Variants in SLC8A1 observed in about 807,000 individuals in gnomAD.
SLC8A1 encodes solute carrier family 8 member A1.
Under a neutral mutation model 68.3 loss-of-function variants are expected in SLC8A1, and 18 were observed. That is an observed-to-expected ratio of 0.26 (90% CI 0.18 to 0.39). The LOEUF (loss-of-function observed/expected upper bound fraction) is 0.39, where lower values mean the gene tolerates loss of function less well. Ranked by LOEUF, SLC8A1 falls within the 10% of genes least tolerant of loss-of-function variation. The probability of loss-of-function intolerance (pLI) is 1.00; values close to 1 mark genes in which losing one functional copy is unlikely to be tolerated. For synonymous variants in SLC8A1, 475 were observed against 415.5 expected, an observed-to-expected ratio of 1.14 and a Z score of -1.74; for missense variants, 985 against 1,156.7, an observed-to-expected ratio of 0.85 and a Z score of 2.15.
intron 2 of SLC8A1, among the ~76,000 whole-genome samples, chr2:40,314,264 G>T (rs2074141204): frequency 6.6e-6 from 1 of 151,932 alleles, no homozygotes; most frequent in Non-Finnish European, 1.5e-5. Flanking sequence ...GAATTGCCTT[G>T]TATTTTTGTT....
chr2:40,429,421 G>T (rs1344918702), exon 2 of SLC8A1: 7 of 1,613,786 alleles, frequency 4.3e-6, no homozygotes, highest in Admixed American at 1.7e-5. Flanking sequence ...TTCAATTTCA[G>T]TCTTAGAAGA....
chr2:40,372,459 T>C (rs1282822835), intron 2 of SLC8A1, among the ~76,000 whole-genome samples: 2 of 152,160 alleles, frequency 1.3e-5, no homozygotes, highest in Admixed American at 1.3e-4. Flanking sequence ...CTCACTGTCA[T>C]GCTGAGGATT....
intron 2 of SLC8A1, among the ~76,000 whole-genome samples, chr2:40,306,973 T>C (rs886552382): frequency 6.6e-6 from 1 of 152,080 alleles, no homozygotes; most frequent in African/African-American, 2.4e-5. Flanking sequence ...AGTCCATAAG[T>C]TGAAAAAAAT....
chr2:40,227,962 C>A (rs778484619), intron 2 of SLC8A1, among the ~76,000 whole-genome samples: 6 of 152,152 alleles, frequency 3.9e-5, no homozygotes, highest in African/African-American at 1.2e-4. Flanking sequence ...GTTTTACATA[C>A]GTAAAATTCA....
At chr2:40,378,570 C>T (rs1375337718) in intron 2 of SLC8A1, among the ~76,000 whole-genome samples, 1 of 152,056 alleles carries the variant, frequency 6.6e-6, no homozygotes, top group Non-Finnish European at 1.5e-5. Context: ...GGAAAATCAG[C>T]ATTATTTCTT....
chr2:40,378,913 C>T (rs1365345876), intron 2 of SLC8A1, among the ~76,000 whole-genome samples: 1 of 152,054 alleles, frequency 6.6e-6, no homozygotes, highest in Non-Finnish European at 1.5e-5. Context: ...ACTCTATCTC[C>T]TTCTCCTGCC....
intron 1 of SLC8A1, among the ~76,000 whole-genome samples, chr2:40,440,175 A>ATACC (rs1700211515): frequency 1.3e-5 from 2 of 152,050 alleles, no homozygotes; most frequent in African/African-American, 4.8e-5. Context: ...CCAATCTTAT[A>ATACC]TACCTGTGTT....
chr2:40,398,458 C>T (rs1333129396), intron 2 of SLC8A1, among the ~76,000 whole-genome samples: 1 of 152,070 alleles, frequency 6.6e-6, no homozygotes, highest in Non-Finnish European at 1.5e-5. Flanking sequence ...ATTACAATAG[C>T]AATACAATTT....
intron 2 of SLC8A1, among the ~76,000 whole-genome samples, chr2:40,238,725 A>G (rs2060791230): frequency 6.6e-6 from 1 of 152,208 alleles, no homozygotes; most frequent in Non-Finnish European, 1.5e-5. Flanking sequence ...TGTAAAGTTA[A>G]GTATGAGTTT....
chr2:40,184,164 G>A (rs554434980), intron 2 of SLC8A1, among the ~76,000 whole-genome samples: 1 of 152,194 alleles, frequency 6.6e-6, no homozygotes, highest in South Asian at 2.1e-4. Context: ...GAGACAGAGT[G>A]AGACACTGTC....
intron 2 of SLC8A1, among the ~76,000 whole-genome samples, chr2:40,265,733 A>T (rs2065278242): frequency 6.6e-6 from 1 of 152,196 alleles, no homozygotes; most frequent in African/African-American, 2.4e-5. Context: ...TGCTGCTTAG[A>T]TGTTGAAAAA....
In SLC8A1 at chr2:40,174,699, G is replaced by A. The variant is rs769173114; in HGVS notation, c.1930+126C>T. ...AAAATAAGGAACATTAAAAAAATAA[G>A]TCTTACCAAACAGGTATTTTCCTTC... On this transcript the variant is annotated intron_variant, in intron 4 of 7. Coordinates refer to ENST00000406785, the Ensembl canonical transcript of SLC8A1. 6.6e-7 allele frequency: 1 copy of A among 1,512,596 alleles called. No homozygotes were observed. The highest frequency in any genetic ancestry group is 9.1e-7 in the Non-Finnish European group (1 of 1,099,442). 93.7% of individuals were successfully genotyped at this position (1,512,596 alleles called of 1,614,324 possible).
intron 6 of SLC8A1, among the ~76,000 whole-genome samples, chr2:40,142,501 A>G (rs1306110873): frequency 1.3e-5 from 2 of 152,194 alleles, no homozygotes; most frequent in Non-Finnish European, 2.9e-5. Context: ...AATGCTTTGG[A>G]AAGCATTTTA....
chr2:40,153,211 T>G (rs1200261124), intron 6 of SLC8A1, among the ~76,000 whole-genome samples: 1 of 152,180 alleles, frequency 6.6e-6, no homozygotes, highest in Non-Finnish European at 1.5e-5. Flanking sequence ...GGAAAGCAAG[T>G]TGGCATTTTA....
At chr2:40,225,558 T>G (rs1475606945) in intron 2 of SLC8A1, among the ~76,000 whole-genome samples, 3 of 152,154 alleles carry the variant, frequency 2.0e-5, no homozygotes, top group Non-Finnish European at 4.4e-5. Context: ...TAATGAATCT[T>G]GCAGAATCTC....
chr2:40,120,019 C>CT (rs369524158), intron 7 of SLC8A1, among the ~76,000 whole-genome samples: 155 of 152,352 alleles, frequency 1.0e-3, no homozygotes, highest in African/African-American at 3.6e-3. Flanking sequence ...GGCCAATACT[C>CT]TCCCTTTCCT....
At chr2:40,319,577 G>C (rs2074934719) in intron 2 of SLC8A1, among the ~76,000 whole-genome samples, 1 of 152,076 alleles carries the variant, frequency 6.6e-6, no homozygotes, top group Admixed American at 6.6e-5. Flanking sequence ...TGAAAGAGTA[G>C]ATGCCTCACT....
At chr2:40,187,463 G>A (rs541247443) in intron 2 of SLC8A1, among the ~76,000 whole-genome samples, 49 of 152,232 alleles carry the variant, frequency 3.2e-4, no homozygotes, top group African/African-American at 1.1e-3. Flanking sequence ...AAGAGACAGC[G>A]ACAGCTAAAA....
At chr2:40,160,947 C>T in intron 5 of SLC8A1, 83 bp from the exon 9 acceptor site, 6 of 953,938 alleles carry the variant, frequency 6.3e-6, no homozygotes, top group Non-Finnish European at 1.0e-5. Flanking sequence ...TTTGAAACTC[C>T]AGAGTTATAT....
Sources: allele counts gnomAD v4.1 joint callset (sites outside exome capture counted in the v4.1 genomes callset), GRCh38; gene constraint gnomAD v4.1.1; transcripts MANE v1.5; gene names NCBI Gene and HGNC (gene_info 2026-07-23, HGNC 2026-07-21).